The following ADAMTS3 variants were observed in gnomAD, a reference collection of about 807,000 sequenced individuals.
ADAMTS3 encodes the protein A disintegrin and metalloproteinase with thrombospondin motifs 3.
In ADAMTS3, 73 loss-of-function variants were observed where a neutral mutation model predicts 129.0. The ratio of observed to expected loss-of-function variants is 0.57; its 90% CI spans 0.47 to 0.69. The LOEUF is 0.69. ADAMTS3 is among the 30% of genes least tolerant of loss of function. ADAMTS3 has a pLI of 0.00. For missense variants in ADAMTS3, 1,457 were observed against 1,514.5 expected (o/e 0.96, Z 0.63); for synonymous variants, 477 against 510.8 (o/e 0.93, Z 0.89).
At chr4:72,530,657 T>C (rs1481386751) in intron 3 of ADAMTS3, among the ~76,000 whole-genome samples, 91 of 76,284 alleles carry the variant, frequency 1.2e-3, no homozygotes, top group Non-Finnish European at 1.6e-3. Flanking sequence ...TAATATTATA[T>C]ATATTATATA....
chr4:72,536,454 A>AT lies in ADAMTS3; in HGVS notation c.504+12023dup, dbSNP rs1721187940. ...CGTATTTTATTTTGCAAACTTAACC[A>AT]TCATTATTATTAATCACAAAATGCT... is the stretch of plus-strand genomic sequence containing the variant. On this transcript the variant is annotated intron_variant, in intron 3 of 21. Coordinates refer to ENST00000286657, the MANE Select transcript of ADAMTS3 (RefSeq NM_014243.3). 2.0e-5 allele frequency among the ~76,000 whole-genome samples: 3 copies of AT among 152,354 alleles called. No homozygotes were observed. In the South Asian group the frequency reaches 6.2e-4, roughly 32 times the overall value.
Position 72,445,695 on chromosome 4 carries a change from C to A in ADAMTS3, c.505-30724G>T, listed in dbSNP as rs147182653. Among the ~76,000 whole-genome samples the A allele has an allele frequency of 2.0e-3, 304 of 151,782 alleles. 3 individuals are homozygous for A. The highest frequency in any genetic ancestry group is 7.1e-3 in the African/African-American group (295 of 41,498). On this transcript the variant is annotated intron_variant, in intron 3 of 21. Coordinates refer to ENST00000286657, the MANE Select transcript of ADAMTS3 (RefSeq NM_014243.3). ...CACTTAAAGAATCATAGGCCCAAAT[C>A]AGCCCAATTCAGTGTTAAACCCACC... is the stretch of plus-strand genomic sequence containing the variant.
intron 4 of ADAMTS3, among the ~76,000 whole-genome samples, chr4:72,345,752 T>C (rs1720265109): frequency 6.6e-6 from 1 of 152,170 alleles, no homozygotes; most frequent in African/African-American, 2.4e-5. Context: ...CTTTATGGAA[T>C]AACATGACAT....
chr4:72,414,548 G>C (rs77481795), intron 4 of ADAMTS3, among the ~76,000 whole-genome samples: 1 of 151,884 alleles, frequency 6.6e-6, no homozygotes, highest in East Asian at 1.9e-4. Context: ...TTTAACATAA[G>C]CTAGAGAACC....
chr4:72,417,613 T>A (rs79087019), intron 3 of ADAMTS3, among the ~76,000 whole-genome samples: 5,550 of 152,132 alleles, frequency 0.036, 121 homozygotes, highest in Non-Finnish European at 0.048. Context: ...TATTTATTAA[T>A]TTAAGTAAAG....
At chr4:72,507,684 G>A (rs1325173279) in intron 3 of ADAMTS3, among the ~76,000 whole-genome samples, 1 of 152,126 alleles carries the variant, frequency 6.6e-6, no homozygotes, top group Admixed American at 6.5e-5. Context: ...GTAGGGCACT[G>A]TTTCTCAATG....
At chr4:72,509,842 G>A (rs1404407690) in intron 3 of ADAMTS3, among the ~76,000 whole-genome samples, 1 of 151,230 alleles carries the variant, frequency 6.6e-6, no homozygotes, top group Non-Finnish European at 1.5e-5. Flanking sequence ...ATGTCTGATG[G>A]ATACTGACAC....
intron 4 of ADAMTS3, among the ~76,000 whole-genome samples, chr4:72,413,405 T>C (rs1270887153): frequency 6.6e-6 from 1 of 152,046 alleles, no homozygotes; most frequent in African/African-American, 2.4e-5. Context: ...AAAATCACTC[T>C]AACCTACTAT....
At chr4:72,473,188 C>T (rs748037566) in intron 3 of ADAMTS3, among the ~76,000 whole-genome samples, 8 of 152,050 alleles carry the variant, frequency 5.3e-5, no homozygotes, top group Non-Finnish European at 1.0e-4. Flanking sequence ...ACTTCTACTA[C>T]ACCTAGGGAC....
chr4:72,426,713 C>T (rs74627922), intron 3 of ADAMTS3, among the ~76,000 whole-genome samples: 1 of 152,006 alleles, frequency 6.6e-6, no homozygotes, highest in African/African-American at 2.4e-5. Context: ...TAGTGAGGCC[C>T]TGTCTCTACA....
chr4:72,535,401 T>TTTA (rs1291772360), intron 3 of ADAMTS3, among the ~76,000 whole-genome samples: 1 of 152,174 alleles, frequency 6.6e-6, no homozygotes, highest in East Asian at 1.9e-4. Flanking sequence ...AGAAGTTGAC[T>TTTA]TTAAGACTGG....
At chr4:72,337,484 G>A (rs773591350) in intron 5 of ADAMTS3, among the ~76,000 whole-genome samples, 8 of 151,986 alleles carry the variant, frequency 5.3e-5, no homozygotes, top group Non-Finnish European at 1.0e-4. Context: ...AAAACAACAG[G>A]AAATCTCTAA....
At chr4:72,432,520 C>T (rs1207741445) in intron 3 of ADAMTS3, among the ~76,000 whole-genome samples, 2 of 151,950 alleles carry the variant, frequency 1.3e-5, no homozygotes, top group African/African-American at 4.8e-5. Context: ...TGTAAACGGT[C>T]CCTTCATGAA....
At position 72,313,665 on chromosome 4, in the gene ADAMTS3, G is replaced by A; in HGVS notation, c.1745+12C>T. The A allele has an allele frequency of 6.2e-7, 1 of 1,612,212 alleles. No individual in the cohort carries two copies. Among genetic ancestry groups the A allele is most frequent in the Non-Finnish European group, 8.5e-7 (1 of 1,178,968 alleles). ...TCTCCAAAAATAACAAGAGTTACAA[G>A]GATATACTCACATGGGATTATTGCA... On this transcript the variant is annotated intron_variant, in intron 12 of 21. Coordinates refer to ENST00000286657, the MANE Select transcript of ADAMTS3 (RefSeq NM_014243.3).
intron 3 of ADAMTS3, among the ~76,000 whole-genome samples, chr4:72,485,487 T>C (rs1419815420): frequency 2.0e-5 from 3 of 152,168 alleles, no homozygotes; most frequent in African/African-American, 7.2e-5. Context: ...GGCTTAATTA[T>C]GTATGTTCTG....
intron 3 of ADAMTS3, among the ~76,000 whole-genome samples, chr4:72,417,565 T>G (rs6833687): frequency 1.1e-3 from 165 of 152,024 alleles, no homozygotes; most frequent in Middle Eastern, 6.8e-3. Flanking sequence ...GTGACATCCA[T>G]TAACTCCATG....
chr4:72,549,910 T>C lies in ADAMTS3; in HGVS notation c.98-1026A>G, dbSNP rs77305082. 5.8e-3 allele frequency among the ~76,000 whole-genome samples: 748 copies of C among 127,996 alleles called. 11 individuals are homozygous for C. The highest frequency in any genetic ancestry group is 0.021 in the African/African-American group (704 of 33,742). 84.0% of individuals were successfully genotyped at this position (127,996 alleles called of 152,430 possible). A position where few individuals can be genotyped will look rare whatever the true frequency, so the allele number is the denominator to read the frequency against. On this transcript the variant is annotated intron_variant, in intron 2 of 21. Transcript: ENST00000286657. ...GAATGATTTTAAGACCACAGGACAA[T>C]GGATACTAGAGAAGGAAACAAGCAG...
At chr4:72,469,240 C>T (rs1304217124) in intron 3 of ADAMTS3, among the ~76,000 whole-genome samples, 1 of 152,070 alleles carries the variant, frequency 6.6e-6, no homozygotes, top group Non-Finnish European at 1.5e-5. Flanking sequence ...AACAATGTAG[C>T]CCAAGAGGCT....
At chr4:72,378,525 C>T (rs774902140) in intron 4 of ADAMTS3, among the ~76,000 whole-genome samples, 9 of 152,034 alleles carry the variant, frequency 5.9e-5, no homozygotes, top group South Asian at 2.1e-4. Context: ...TTAGATAGGC[C>T]GTTAGTAGTA....
Sources: allele counts gnomAD v4.1 joint callset (sites outside exome capture counted in the v4.1 genomes callset), GRCh38; gene constraint gnomAD v4.1.1; transcripts MANE v1.5; gene names NCBI Gene and HGNC (gene_info 2026-07-23, HGNC 2026-07-21).